The following SLC22A11 variants were observed in gnomAD, a reference collection of about 807,000 sequenced individuals.
SLC22A11 encodes the protein organic anion transporter 4.
A neutral mutation model predicts 49.4 loss-of-function variants in SLC22A11; 42 were observed. The ratio of observed to expected loss-of-function variants is 0.85; its 90% CI spans 0.66 to 1.10. The LOEUF (loss-of-function observed/expected upper bound fraction) is 1.10. Ranked by LOEUF, SLC22A11 falls within the 50% of genes least tolerant of loss-of-function variation. The pLI, the probability that SLC22A11 is intolerant of heterozygous loss-of-function variation, is 0.00. For synonymous variants in SLC22A11, 304 were observed against 315.8 expected (o/e 0.96, Z 0.40); for missense variants, 685 against 731.6 (o/e 0.94, Z 0.74).
Position 64,562,534 on chromosome 11 carries a change from G to A in SLC22A11, c.821+99G>A. ...CTGGCAGTAGGTCCAGAGACCTGGAGTGCCACAGAAGGGCCATGGCATGAG... is the reference window on the plus strand; with the variant it reads ...CTGGCAGTAGGTCCAGAGACCTGGAATGCCACAGAAGGGCCATGGCATGAG... On this transcript the variant is annotated intron_variant, in intron 4 of 9. Coordinates refer to ENST00000301891, the MANE Select transcript of SLC22A11 (RefSeq NM_018484.4). The surrounding 1 kb of genome is among the most constrained non-coding windows in gnomAD (Gnocchi z 4.4). 5.3e-6 allele frequency: 7 copies of A among 1,332,112 alleles called. No homozygotes were observed. The highest frequency in any genetic ancestry group is 2.4e-5 in the East Asian group (1 of 41,768). The allele number at this position is 1,332,112 out of a possible 1,614,324, so 82.5% of individuals were successfully genotyped here.
In SLC22A11 at chr11:64,556,445, A is replaced by G; in HGVS notation, c.393+53A>G. On this transcript the variant is annotated intron_variant, in intron 1 of 9. Transcript: ENST00000301891. The stretch of plus-strand genomic sequence containing the variant: ...TCCCGTCACCTTGGAGGTCAGAGTC[A>G]TGGATCAGGTTGGTTGGACTCCAAG... The G allele has an allele frequency of 6.9e-6, 11 of 1,588,676 alleles. No individual in the cohort carries two copies. The South Asian group carries it at 7.8e-5, about 11-fold the overall frequency.
intron 1 of SLC22A11, among the ~76,000 whole-genome samples, chr11:64,558,857 C>G (rs571148786): frequency 2.2e-4 from 33 of 152,338 alleles, no homozygotes; most frequent in Admixed American, 1.5e-3. Context: ...CCTTCAAGGC[C>G]CTGCTGCCTG....
chr11:64,562,713 G>T lies in SLC22A11; in HGVS notation c.821+278G>T, dbSNP rs1266597249. ...GATTTAAAAAATACATTTGTAACTA[G>T]TTGCTAACATTTAAAAATCAGAAGA... On this transcript the variant is annotated intron_variant, in intron 4 of 9. Transcript: ENST00000301891. The surrounding 1 kb of genome is among the most constrained non-coding windows in gnomAD (Gnocchi z 4.4). 6.6e-6 allele frequency among the ~76,000 whole-genome samples: 1 copy of T among 152,226 alleles called. No homozygotes were observed. Among genetic ancestry groups the T allele is most frequent in the Non-Finnish European group, 1.5e-5 (1 of 68,056 alleles).
intron 8 of SLC22A11, among the ~76,000 whole-genome samples, chr11:64,569,312 T>G (rs968089447): frequency 2.6e-5 from 4 of 152,242 alleles, no homozygotes; most frequent in African/African-American, 4.8e-5. Flanking sequence ...CACTCACTCA[T>G]TTCTCCATAT....
Position 64,556,289 on chromosome 11 carries a change from A to G in SLC22A11, c.290A>G (p.Asp97Gly). The G allele has an allele frequency of 1.2e-6, 2 of 1,613,768 alleles. No homozygotes were observed. Among genetic ancestry groups the G allele is most frequent in the African/African-American group, 2.7e-5 (2 of 75,024 alleles). ...RFRQPQWQLLDPNATATSWSE... is the reference protein window; with the variant it reads ...RFRQPQWQLLGPNATATSWSE... Reference sequence around the variant, plus strand: ...CGCCAGCCACAGTGGCAGCTCTTGGACCCCAATGCCACGGCCACCAGCTGG... The same window carrying G: ...CGCCAGCCACAGTGGCAGCTCTTGGGCCCCAATGCCACGGCCACCAGCTGG... Residue 97 changes from aspartate to glycine, a missense_variant, in exon 1 of 10, where the codon GAC (aspartate) becomes GGC (glycine). Asp to Gly is a moderately conservative substitution (Grantham distance 94). Transcript: ENST00000301891.
chr11:64,556,006 T>C lies in SLC22A11; in HGVS notation c.7T>C (p.Phe3Leu). 1 of 1,606,734 alleles carries C rather than the reference T, an allele frequency of 6.2e-7. No homozygotes were observed. The highest frequency in any genetic ancestry group is 8.5e-7 in the Non-Finnish European group (1 of 1,178,106). The change falls in exon 1 of 10, where the codon TTC becomes CTC. Residue 3 changes from phenylalanine (F) to leucine (L), a missense_variant. Physicochemically the swap from Phe to Leu is conservative, Grantham distance 22 (BLOSUM62 0). Coordinates refer to ENST00000301891, the MANE Select transcript of SLC22A11 (RefSeq NM_018484.4). Reference sequence around the variant, plus strand: ...AGCCGAGGCAGCTCTGTTCATGGCGTTCTCGAAGCTCTTGGAGCAAGCCGG... The same window carrying C: ...AGCCGAGGCAGCTCTGTTCATGGCGCTCTCGAAGCTCTTGGAGCAAGCCGG... Reference protein sequence around the residue: MAFSKLLEQAGGV... With the variant: MALSKLLEQAGGV...
At position 64,562,851 on chromosome 11, in the gene SLC22A11, C is replaced by G. The variant is rs2038569500; in HGVS notation, c.821+416C>G. 6.6e-6 allele frequency among the ~76,000 whole-genome samples: 1 copy of G among 152,212 alleles called. No individual in the cohort carries two copies. The highest frequency in any genetic ancestry group is 1.5e-5 in the Non-Finnish European group (1 of 68,032). On this transcript the variant is annotated intron_variant, in intron 4 of 9. Coordinates refer to ENST00000301891, the MANE Select transcript of SLC22A11 (RefSeq NM_018484.4). This position sits in a 1 kb window ranked among gnomAD's most constrained non-coding sequence, Gnocchi z 4.4. ...TGGAAGCGGCCGCTCTCCCGGTCCCCAAGGCCCCACTGCCGCTGTCCCCTG... is the reference window on the plus strand; with the variant it reads ...TGGAAGCGGCCGCTCTCCCGGTCCCGAAGGCCCCACTGCCGCTGTCCCCTG...
intron 2 of SLC22A11, among the ~76,000 whole-genome samples, chr11:64,560,215 C>T (rs2038523808): frequency 6.6e-6 from 1 of 152,144 alleles, no homozygotes; most frequent in African/African-American, 2.4e-5. Context: ...CCAAGCCCCT[C>T]TCTGCCACAG....
intron 1 of SLC22A11, among the ~76,000 whole-genome samples, chr11:64,558,089 C>G (rs540872152): frequency 2.0e-5 from 3 of 152,072 alleles, no homozygotes; most frequent in Non-Finnish European, 4.4e-5. Context: ...TGAACCACCA[C>G]GCTTGGTCTA....
At position 64,562,163 on chromosome 11, in the gene SLC22A11, G is replaced by A. The variant is rs747896256; in HGVS notation, c.652+5G>A. On this transcript the variant is annotated splice_donor_5th_base_variant and intron_variant, in intron 3 of 9. Coordinates refer to ENST00000301891, the MANE Select transcript of SLC22A11 (RefSeq NM_018484.4). This position sits in a 1 kb window ranked among gnomAD's most constrained non-coding sequence, Gnocchi z 4.4. ...TTCTGAGTTCACTGACACTGAGTGA[G>A]TCCCCGGCTCAGCGCGCTCCTGCCA... 4 of 1,612,978 alleles carry A rather than the reference G, an allele frequency of 2.5e-6. No individual in the cohort carries two copies. The African/African-American group carries it at 5.3e-5, about 22-fold the overall frequency.
chr11:64,568,770 G>T lies in SLC22A11; in HGVS notation c.1374G>T (p.Thr458=). ...LTIYKAELFP[T]PVRMTADGIL... is the part of the protein sequence containing the mutation. ...TCTACAAGGCTGAACTCTTTCCAAC[G>T]CCAGTGCGGTAAGCTGGGCTGCAGG... Residue 458 remains threonine, a synonymous_variant, in exon 8 of 10, where the codon ACG becomes ACT. Transcript: ENST00000301891. 4 of 1,613,574 alleles carry T rather than the reference G, an allele frequency of 2.5e-6. No homozygotes were observed. The highest frequency in any genetic ancestry group is 3.4e-6 in the Non-Finnish European group (4 of 1,179,616).
chr11:64,565,633 C>G lies in SLC22A11; in HGVS notation c.1058+296C>G, dbSNP rs751040682. On this transcript the variant is annotated intron_variant, in intron 6 of 9. Coordinates refer to ENST00000301891, the MANE Select transcript of SLC22A11 (RefSeq NM_018484.4). The surrounding 1 kb of genome is among the most constrained non-coding windows in gnomAD (Gnocchi z 4.1). Reference sequence around the variant, plus strand: ...GGAGGTCCCAAGACAGAGGCAGAGCCAGGGTCCCTAGAGCCAGGGGACCAG... The same window carrying G: ...GGAGGTCCCAAGACAGAGGCAGAGCGAGGGTCCCTAGAGCCAGGGGACCAG... 6 of 502,026 alleles carry G rather than the reference C, an allele frequency of 1.2e-5. No homozygotes were observed. Among genetic ancestry groups the G allele is most frequent in the Admixed American group, 4.7e-5 (2 of 42,548 alleles). The allele number at this position is 502,026 out of a possible 1,614,324, so 31.1% of individuals were successfully genotyped here.
chr11:64,565,902 C>A lies in SLC22A11; in HGVS notation c.1058+565C>A. ...CTGTCACTGCCAGGGCCCGCGCGAC[C>A]AGACCCTGGCCCTCCCCGGGACCCA... On this transcript the variant is annotated intron_variant, in intron 6 of 9. Coordinates refer to ENST00000301891, the MANE Select transcript of SLC22A11 (RefSeq NM_018484.4). The surrounding 1 kb of genome is among the most constrained non-coding windows in gnomAD (Gnocchi z 4.1). 1 of 216,434 alleles carries A rather than the reference C, an allele frequency of 4.6e-6. No homozygotes were observed. The highest frequency in any genetic ancestry group is 1.1e-4 in the East Asian group (1 of 9,484). The allele number at this position is 216,434 out of a possible 1,614,324, so 13.4% of individuals were successfully genotyped here.
At position 64,568,746 on chromosome 11, in the gene SLC22A11, C is replaced by G. The variant is rs1321922956; in HGVS notation, c.1350C>G (p.Ile450Met). Residue 450 changes from isoleucine (I) to methionine (M), a missense_variant, in exon 8 of 10, where the codon ATC (isoleucine) becomes ATG (methionine). Transcript: ENST00000301891. ...GGATAAGCCTAACCTGCCTCACCAT[C>G]TACAAGGCTGAACTCTTTCCAACGC... ...CFGISLTCLT[I>M]YKAELFPTPV... is the part of the protein sequence containing the mutation. The G allele has an allele frequency of 1.4e-5, 22 of 1,614,004 alleles. No individual in the cohort carries two copies. The Admixed American group carries it at 3.7e-4, about 27-fold the overall frequency.
chr11:64,570,684 A>G (rs2038691801), intron 9 of SLC22A11, among the ~76,000 whole-genome samples: 1 of 152,218 alleles, frequency 6.6e-6, no homozygotes, highest in South Asian at 2.1e-4. Context: ...ATGAGGTGCT[A>G]TTACAGTCCA....
Position 64,562,273 on chromosome 11 carries a change from A to G in SLC22A11, c.659A>G (p.Glu220Gly). ...ACGTGTCTGCATCCTTCAGTGGTGGAGTGGACCACGACCAGCAGGAGGGCG... is the reference window on the plus strand; with the variant it reads ...ACGTGTCTGCATCCTTCAGTGGTGGGGTGGACCACGACCAGCAGGAGGGCG... ...IFLSSLTLMV[E>G]WTTTSRRAVT... Residue 220 changes from glutamate to glycine, a missense_variant, in exon 4 of 10, where the codon GAG becomes GGG. By Grantham distance (98) the Glu-to-Gly change is moderately conservative (BLOSUM62 -2). Transcript: ENST00000301891. This position sits in a 1 kb window ranked among gnomAD's most constrained non-coding sequence, Gnocchi z 4.4. 1 of 1,603,586 alleles carries G rather than the reference A, an allele frequency of 6.2e-7. No individual in the cohort carries two copies. The highest frequency in any genetic ancestry group is 8.5e-7 in the Non-Finnish European group (1 of 1,173,106).
In SLC22A11 at chr11:64,564,253, C is replaced by A; in HGVS notation, c.822-55C>A. 6.2e-7 allele frequency: 1 copy of A among 1,605,798 alleles called. No individual in the cohort carries two copies. The highest frequency in any genetic ancestry group is 8.5e-7 in the Non-Finnish European group (1 of 1,175,212). ...CCGTGCCCACTGCCCCTTTCCACCC[C>A]GCCCCGGGGGAGAGCCCAGCGTGCA... On this transcript the variant is annotated intron_variant, in intron 4 of 9. Transcript: ENST00000301891. The surrounding 1 kb of genome is among the most constrained non-coding windows in gnomAD (Gnocchi z 4.2).
chr11:64,558,362 G>C (rs1461372754), intron 1 of SLC22A11, among the ~76,000 whole-genome samples: 1 of 152,226 alleles, frequency 6.6e-6, no homozygotes, highest in Non-Finnish European at 1.5e-5. Flanking sequence ...TCTGTGGGGG[G>C]ATGGGGAGCC....
chr11:64,559,362 C>G, intron 2 of SLC22A11, 124 bp downstream of exon 2: 1 of 749,018 alleles, frequency 1.3e-6, no homozygotes, highest in Non-Finnish European at 2.0e-6. Context: ...CCTGCCTCCT[C>G]TGTTTCTTCC....
Sources: allele counts gnomAD v4.1 joint callset (sites outside exome capture counted in the v4.1 genomes callset), GRCh38; gene constraint gnomAD v4.1.1; non-coding constraint Gnocchi (gnomAD v3.1); transcripts MANE v1.5; gene names NCBI Gene and HGNC (gene_info 2026-07-23, HGNC 2026-07-21).